The following TSPAN5 variants were observed in gnomAD, a reference collection of about 807,000 sequenced individuals.
TSPAN5 encodes tetraspanin 5, also known as tetraspanin-5.
Under a neutral mutation model 37.1 loss-of-function variants are expected in TSPAN5, and 10 were observed. The ratio of observed to expected loss-of-function variants is 0.27; its 90% CI spans 0.17 to 0.46. The LOEUF (loss-of-function observed/expected upper bound fraction) is 0.46. Ranked by LOEUF, TSPAN5 falls within the 20% of genes least tolerant of loss-of-function variation. The probability of loss-of-function intolerance (pLI) is 1.00; values close to 1 mark genes in which losing one functional copy is unlikely to be tolerated. For missense variants in TSPAN5, 195 were observed against 326.6 expected (o/e 0.60, Z 3.11); for synonymous variants, 110 against 118.9 (o/e 0.93, Z 0.48).
chr4:98,551,619 G>A (rs1754619600), intron 1 of TSPAN5, among the ~76,000 whole-genome samples: 1 of 150,518 alleles, frequency 6.6e-6, no homozygotes, highest in African/African-American at 2.4e-5. Context: ...AGCCTCCCAA[G>A]TAGCTAGGAC....
intron 2 of TSPAN5, among the ~76,000 whole-genome samples, chr4:98,501,251 C>T (rs1017756973): frequency 1.3e-5 from 2 of 152,156 alleles, no homozygotes; most frequent in Admixed American, 6.5e-5. Flanking sequence ...AGAAACCACA[C>T]GTATTTACCT....
At chr4:98,477,219 A>G (rs1246522766) in intron 5 of TSPAN5, among the ~76,000 whole-genome samples, 2 of 152,266 alleles carry the variant, frequency 1.3e-5, no homozygotes, top group South Asian at 4.1e-4. Flanking sequence ...CAAGGCCACC[A>G]GGATGAGCCC....
At position 98,577,155 on chromosome 4, in the gene TSPAN5, A is replaced by G. The variant is rs114541699; in HGVS notation, c.82-69427T>C. ...CTGCTGAAAAATGAAACCCCAATCT[A>G]AAACTCAATTTGAGAAAAAATTATT... On this transcript the variant is annotated intron_variant, in intron 1 of 7. Coordinates refer to ENST00000305798, the MANE Select transcript of TSPAN5 (RefSeq NM_005723.4). Among the ~76,000 whole-genome samples, 915 of 152,302 alleles carry G rather than the reference A, an allele frequency of 6.0e-3. 6 individuals are homozygous for G. The highest frequency in any genetic ancestry group is 0.011 in the Admixed American group (166 of 15,294).
At chr4:98,595,698 G>A (rs1157338038) in intron 1 of TSPAN5, among the ~76,000 whole-genome samples, 1 of 122,912 alleles carries the variant, frequency 8.1e-6, no homozygotes, top group African/African-American at 3.9e-5. Context: ...TATGTACCCA[G>A]TAGTCATTCA....
intron 1 of TSPAN5, among the ~76,000 whole-genome samples, chr4:98,561,203 G>A (rs556702430): frequency 6.6e-6 from 1 of 152,314 alleles, no homozygotes; most frequent in East Asian, 1.9e-4. Flanking sequence ...ACATAAAACG[G>A]AACACAATGG....
At chr4:98,599,665 T>C (rs2110218682) in intron 1 of TSPAN5, among the ~76,000 whole-genome samples, 1 of 152,340 alleles carries the variant, frequency 6.6e-6, no homozygotes, top group South Asian at 2.1e-4. Flanking sequence ...CAGAACTTCA[T>C]ATGAATGAAC....
intron 2 of TSPAN5, among the ~76,000 whole-genome samples, chr4:98,495,598 T>TCAGCTGTC (rs1353774409): frequency 6.6e-6 from 1 of 151,916 alleles, no homozygotes. Context: ...CCTTATTCAT[T>TCAGCTGTC]CAGCTGTCTC....
chr4:98,558,084 T>C (rs746224459), intron 1 of TSPAN5, among the ~76,000 whole-genome samples: 3 of 152,182 alleles, frequency 2.0e-5, no homozygotes, highest in Non-Finnish European at 4.4e-5. Flanking sequence ...TATATCAATA[T>C]TGGCTCATTA....
chr4:98,586,023 C>G lies in TSPAN5; in HGVS notation c.81+72123G>C, dbSNP rs142098529. On this transcript the variant is annotated intron_variant, in intron 1 of 7. Coordinates refer to ENST00000305798, the MANE Select transcript of TSPAN5 (RefSeq NM_005723.4). ...GTTGGCCTGAGAACATAAGACACCA[C>G]CAAACAATCTGGAAGAACCAGTGCT... 1.8e-3 allele frequency among the ~76,000 whole-genome samples: 269 copies of G among 152,316 alleles called. 1 individual carries two copies. Among genetic ancestry groups the G allele is most frequent in the South Asian group, 0.013 (61 of 4,826 alleles).
chr4:98,585,153 G>A (rs1409838501), intron 1 of TSPAN5, among the ~76,000 whole-genome samples: 1 of 152,048 alleles, frequency 6.6e-6, no homozygotes, highest in Non-Finnish European at 1.5e-5. Flanking sequence ...TACATTTAGG[G>A]GGTACAAGTG....
At chr4:98,567,541 T>C (rs1227252935) in intron 1 of TSPAN5, among the ~76,000 whole-genome samples, 1 of 152,182 alleles carries the variant, frequency 6.6e-6, no homozygotes, top group African/African-American at 2.4e-5. Flanking sequence ...CAGCTATCAT[T>C]ATTATGCCTT....
At chr4:98,479,488 C>T (rs1419699325) in intron 4 of TSPAN5, among the ~76,000 whole-genome samples, 2 of 152,286 alleles carry the variant, frequency 1.3e-5, no homozygotes, top group East Asian at 1.9e-4. Flanking sequence ...GGAGGTTTCA[C>T]ATCACCAAGA....
intron 4 of TSPAN5, among the ~76,000 whole-genome samples, chr4:98,479,822 GT>G (rs1752795607): frequency 6.6e-6 from 1 of 152,180 alleles, no homozygotes; most frequent in Non-Finnish European, 1.5e-5. Flanking sequence ...TTAAGGCTCT[GT>G]TAGAAATTAC....
At chr4:98,559,775 C>T (rs1264198509) in intron 1 of TSPAN5, among the ~76,000 whole-genome samples, 2 of 152,166 alleles carry the variant, frequency 1.3e-5, no homozygotes, top group African/African-American at 2.4e-5. Flanking sequence ...TAAATTAAAG[C>T]TTAATTTTCA....
chr4:98,511,237 C>A (rs548083251), intron 1 of TSPAN5, among the ~76,000 whole-genome samples: 1 of 152,116 alleles, frequency 6.6e-6, no homozygotes, highest in Non-Finnish European at 1.5e-5. Flanking sequence ...ATAATTTTGC[C>A]GGCATTTGTT....
intron 1 of TSPAN5, among the ~76,000 whole-genome samples, chr4:98,606,265 A>G (rs1756036001): frequency 6.6e-6 from 1 of 152,076 alleles, no homozygotes; most frequent in Non-Finnish European, 1.5e-5. Flanking sequence ...ACATAAGGCA[A>G]CTCATCAAGT....
intron 1 of TSPAN5, among the ~76,000 whole-genome samples, chr4:98,611,172 G>A (rs1756178030): frequency 6.6e-6 from 1 of 152,192 alleles, no homozygotes; most frequent in South Asian, 2.1e-4. Context: ...ACTCAGGGAT[G>A]TCCTTGTCAC....
intron 1 of TSPAN5, among the ~76,000 whole-genome samples, chr4:98,518,291 T>C (rs953248376): frequency 2.6e-5 from 4 of 152,292 alleles, no homozygotes; most frequent in South Asian, 4.1e-4. Flanking sequence ...GATTATATCA[T>C]TCAACTTATT....
chr4:98,646,324 G>A (rs1026235708), intron 1 of TSPAN5, among the ~76,000 whole-genome samples: 4 of 152,082 alleles, frequency 2.6e-5, no homozygotes, highest in African/African-American at 9.7e-5. Context: ...GTCTGAAATA[G>A]AGGAAAAAAA....
Sources: gnomAD v4.1 joint callset for allele counts (sites outside exome capture counted in the v4.1 genomes callset) on GRCh38, gnomAD v4.1.1 for gene constraint, MANE v1.5 for transcripts, NCBI Gene and HGNC (gene_info 2026-07-23, HGNC 2026-07-21) for gene names.